The following STK3 variants were observed in gnomAD, a reference collection of about 807,000 sequenced individuals.
The protein encoded by STK3 is serine/threonine-protein kinase 3.
In STK3, 41 loss-of-function variants were observed where a neutral mutation model predicts 58.0. The ratio of observed to expected loss-of-function variants is 0.71; its 90% CI spans 0.55 to 0.92. The LOEUF is 0.92. Among genes scored for constraint, STK3 ranks in the 40% least tolerant of loss-of-function variants. STK3 has a pLI of 0.00. For synonymous variants in STK3, 170 were observed against 191.0 expected (o/e 0.89, Z 0.91); for missense variants, 479 against 602.7 (o/e 0.79, Z 2.15).
intron 10 of STK3, among the ~76,000 whole-genome samples, chr8:98,491,891 A>G (rs890470693): frequency 6.6e-6 from 1 of 152,206 alleles, no homozygotes; most frequent in African/African-American, 2.4e-5. Flanking sequence ...TAGATAAAAG[A>G]TATTTTTAAT....
chr8:98,496,467 T>C (rs1312061844), intron 10 of STK3, among the ~76,000 whole-genome samples: 1 of 152,176 alleles, frequency 6.6e-6, no homozygotes, highest in Admixed American at 6.5e-5. Flanking sequence ...ATACAACCTA[T>C]ACTCTGAAAA....
At chr8:98,763,751 C>T (rs1173397317) in intron 3 of STK3, among the ~76,000 whole-genome samples, 1 of 152,064 alleles carries the variant, frequency 6.6e-6, no homozygotes, top group African/African-American at 2.4e-5. Flanking sequence ...CAGCTCACTG[C>T]ACCTTCCGCC....
intron 1 of STK3, among the ~76,000 whole-genome samples, chr8:98,384,393 T>C (rs1200786299): frequency 6.6e-6 from 1 of 152,242 alleles, no homozygotes; most frequent in Non-Finnish European, 1.5e-5. Flanking sequence ...TTTTGTTGCT[T>C]TGTCTTTCAT....
At chr8:98,484,897 T>A (rs1232253414) in intron 10 of STK3, among the ~76,000 whole-genome samples, 2 of 152,174 alleles carry the variant, frequency 1.3e-5, no homozygotes, top group African/African-American at 4.8e-5. Flanking sequence ...GAATATGATC[T>A]TTTTGGATAT....
intron 6 of STK3, among the ~76,000 whole-genome samples, chr8:98,642,660 G>C (rs1057120895): frequency 6.6e-6 from 1 of 152,138 alleles, no homozygotes; most frequent in Non-Finnish European, 1.5e-5. Flanking sequence ...ATCTAATATT[G>C]AGGGATATTA....
chr8:98,893,512 G>GAAAGAAAGAAAGAAAA (rs1564087507), intron 1 of STK3, among the ~76,000 whole-genome samples: 3 of 123,510 alleles, frequency 2.4e-5, no homozygotes, highest in African/African-American at 9.0e-5. Context: ...AAGAAAGAAA[G>GAAAGAAAGAAAGAAAA]AAAGAAAGAA....
chr8:98,738,055 G>C (rs990667128), intron 4 of STK3, among the ~76,000 whole-genome samples: 1 of 152,170 alleles, frequency 6.6e-6, no homozygotes, highest in African/African-American at 2.4e-5. Context: ...ATACAAAAAA[G>C]AAGAACTGAA....
At chr8:98,776,883 T>C (rs574943325) in intron 1 of STK3, among the ~76,000 whole-genome samples, 65 of 151,830 alleles carry the variant, frequency 4.3e-4, no homozygotes, top group African/African-American at 1.5e-3. Flanking sequence ...ACCCCGTCTC[T>C]ACTAAAAATA....
intron 8 of STK3, among the ~76,000 whole-genome samples, chr8:98,559,694 C>G (rs572812228): frequency 1.3e-5 from 2 of 152,226 alleles, no homozygotes; most frequent in South Asian, 2.1e-4. Flanking sequence ...AATTAAATAA[C>G]TGCTAAAGTG....
chr8:98,796,557 G>C (rs1327580330), intron 1 of STK3, among the ~76,000 whole-genome samples: 1 of 152,138 alleles, frequency 6.6e-6, no homozygotes, highest in Non-Finnish European at 1.5e-5. Flanking sequence ...CATCAGCCTT[G>C]GGAAAGAATT....
At position 98,708,008 on chromosome 8, in the gene STK3, G is replaced by A. The variant is rs564508441; in HGVS notation, c.352-697C>T. ...ACAAAAATTAGCCAGGCGTGATGGC[G>A]TGCACTTGTAATCCCAGCTACTCAG... On this transcript the variant is annotated intron_variant, in intron 4 of 10. Transcript: ENST00000419617. 2.6e-4 allele frequency among the ~76,000 whole-genome samples: 40 copies of A among 151,842 alleles called. 1 individual carries two copies. Among genetic ancestry groups the A allele is most frequent in the African/African-American group, 7.7e-4 (32 of 41,386 alleles).
chr8:98,611,594 T>A (rs1204622960), intron 6 of STK3, among the ~76,000 whole-genome samples: 1 of 152,064 alleles, frequency 6.6e-6, no homozygotes, highest in African/African-American at 2.4e-5. Flanking sequence ...TAAAAAAAAA[T>A]TCATATATTA....
At chr8:98,376,034 C>T (rs1349025149) in intron 2 of STK3, among the ~76,000 whole-genome samples, 2 of 152,192 alleles carry the variant, frequency 1.3e-5, no homozygotes, top group African/African-American at 4.8e-5. Context: ...TGCATTCCCA[C>T]CAGCAATGTA....
chr8:98,659,827 TA>T (rs1206280943), intron 6 of STK3, among the ~76,000 whole-genome samples: 1 of 151,812 alleles, frequency 6.6e-6, no homozygotes, highest in African/African-American at 2.4e-5. Context: ...ATATAACCAT[TA>T]AAATGACTTC....
chr8:98,614,214 A>G (rs796922170), intron 6 of STK3, among the ~76,000 whole-genome samples: 7 of 152,330 alleles, frequency 4.6e-5, no homozygotes, highest in African/African-American at 1.7e-4. Context: ...CCTCAACAAC[A>G]GCAGAGTACT....
At chr8:98,727,536 C>A (rs952513293) in intron 4 of STK3, among the ~76,000 whole-genome samples, 2 of 152,082 alleles carry the variant, frequency 1.3e-5, no homozygotes, top group African/African-American at 4.8e-5. Context: ...GAAGTAAATA[C>A]CAAACAGGAG....
intron 6 of STK3, among the ~76,000 whole-genome samples, chr8:98,675,346 T>C (rs964344513): frequency 6.6e-6 from 1 of 152,216 alleles, no homozygotes; most frequent in East Asian, 1.9e-4. Context: ...TGAAATGATG[T>C]AAATGTGATT....
chr8:98,826,677 C>A (rs965702316), upstream of STK3, among the ~76,000 whole-genome samples: 1 of 152,160 alleles, frequency 6.6e-6, no homozygotes, highest in Non-Finnish European at 1.5e-5. Flanking sequence ...TCCATATATA[C>A]CTTTCACATA....
intron 6 of STK3, among the ~76,000 whole-genome samples, chr8:98,655,168 A>C (rs2130745802): frequency 6.6e-6 from 1 of 152,228 alleles, no homozygotes; most frequent in East Asian, 1.9e-4. Flanking sequence ...CAGAGCCCTC[A>C]GAAATAACGC....
Sources: allele counts gnomAD v4.1 joint callset (sites outside exome capture counted in the v4.1 genomes callset), GRCh38; gene constraint gnomAD v4.1.1; transcripts MANE v1.5; gene names NCBI Gene and HGNC (gene_info 2026-07-23, HGNC 2026-07-21).